LRRC4C: variants seen among roughly 807,000 people sequenced by gnomAD.
LRRC4C encodes leucine-rich repeat-containing protein 4C.
LRRC4C carries 5 observed loss-of-function variants against 33.6 expected under a neutral mutation model. The ratio of observed to expected loss-of-function variants is 0.15; its 90% confidence interval spans 0.08 to 0.31. The LOEUF is 0.31. Among genes scored for constraint, LRRC4C ranks in the 10% least tolerant of loss-of-function variants. The pLI is 1.00. For missense variants in LRRC4C, 560 were observed against 796.7 expected, an observed-to-expected ratio of 0.70 and a Z score of 3.58; for synonymous variants, 329 against 302.0, an observed-to-expected ratio of 1.09 and a Z score of -0.93.
chr11:40,295,442 C>G (rs1056000907), intron 4 of LRRC4C, among the ~76,000 whole-genome samples: 4 of 152,074 alleles, frequency 2.6e-5, no homozygotes, highest in Non-Finnish European at 5.9e-5. Flanking sequence ...GGTTTAAAAA[C>G]AGTTTTAAAG....
intron 3 of LRRC4C, among the ~76,000 whole-genome samples, chr11:40,329,149 C>T (rs1946231076): frequency 6.6e-6 from 1 of 152,134 alleles, no homozygotes; most frequent in African/African-American, 2.4e-5. Context: ...CATACACTCT[C>T]ATTATGTATT....
chr11:40,318,010 T>C (rs1377058696), intron 4 of LRRC4C, among the ~76,000 whole-genome samples: 7 of 152,114 alleles, frequency 4.6e-5, no homozygotes, highest in Non-Finnish European at 2.9e-5. Context: ...TATAAGTTTT[T>C]AGTGTCAAAT....
chr11:41,039,853 G>T (rs1299795465), intron 1 of LRRC4C, among the ~76,000 whole-genome samples: 1 of 151,936 alleles, frequency 6.6e-6, no homozygotes, highest in African/African-American at 2.4e-5. Context: ...GTTAAAATAT[G>T]ACTTGAGGCT....
rs370008778 is a variant in LRRC4C at position 40,988,365 on chromosome 11, A to G, written c.-495-54642T>C. 4.6e-5 allele frequency among the ~76,000 whole-genome samples: 7 copies of G among 152,256 alleles called. No individual in the cohort carries two copies. The East Asian group carries it at 1.4e-3, about 30-fold the overall frequency. ...TATGGGCTCATTCTTGAAGTTACTC[A>G]GTCTAAGTTCATACAAAGCCAGAAA... On this transcript the variant is annotated intron_variant, in intron 1 of 6. Transcript: ENST00000528697.
At chr11:40,622,812 G>T (rs183750017) in intron 3 of LRRC4C, among the ~76,000 whole-genome samples, 2 of 151,836 alleles carry the variant, frequency 1.3e-5, no homozygotes, top group African/African-American at 4.8e-5. Flanking sequence ...AGAACACTTG[G>T]AATGTGCTTA....
At chr11:41,026,213 T>C (rs1856344651) in intron 1 of LRRC4C, among the ~76,000 whole-genome samples, 2 of 151,682 alleles carry the variant, frequency 1.3e-5, no homozygotes, top group Non-Finnish European at 3.0e-5. Flanking sequence ...CTAGATGCCG[T>C]TAAGAACATT....
At chr11:40,227,901 G>A (rs984327982) in intron 5 of LRRC4C, among the ~76,000 whole-genome samples, 2 of 152,198 alleles carry the variant, frequency 1.3e-5, no homozygotes, top group African/African-American at 4.8e-5. Context: ...CATGATGCCT[G>A]CTAGGTGAAG....
intron 2 of LRRC4C, among the ~76,000 whole-genome samples, chr11:40,773,153 T>C (rs912816339): frequency 2.0e-5 from 3 of 152,012 alleles, no homozygotes; most frequent in African/African-American, 7.2e-5. Context: ...ATTCAAACAA[T>C]TAAACTCATG....
At chr11:41,221,832 G>A (rs1340589400) in intron 1 of LRRC4C, among the ~76,000 whole-genome samples, 1 of 152,256 alleles carries the variant, frequency 6.6e-6, no homozygotes. Context: ...AACATCATTA[G>A]TTCTAGTTTT....
At chr11:40,653,921 C>G (rs1260885050) in intron 2 of LRRC4C, among the ~76,000 whole-genome samples, 1 of 152,188 alleles carries the variant, frequency 6.6e-6, no homozygotes, top group Non-Finnish European at 1.5e-5. Flanking sequence ...TCCTGCATTC[C>G]AGCTGAACAT....
intron 1 of LRRC4C, among the ~76,000 whole-genome samples, chr11:41,100,952 T>G (rs1055852000): frequency 6.6e-6 from 1 of 152,176 alleles, no homozygotes; most frequent in Non-Finnish European, 1.5e-5. Context: ...AAGGACTCCT[T>G]ATTAAATAAA....
At chr11:40,993,195 G>A (rs1215702470) in intron 1 of LRRC4C, among the ~76,000 whole-genome samples, 3 of 152,040 alleles carry the variant, frequency 2.0e-5, no homozygotes, top group African/African-American at 7.2e-5. Context: ...CATCTTAAAT[G>A]GGCTATTGAG....
chr11:40,608,580 C>CAAA (rs745504350), intron 3 of LRRC4C, among the ~76,000 whole-genome samples: 181 of 152,142 alleles, frequency 1.2e-3, no homozygotes, highest in Non-Finnish European at 2.3e-3. Flanking sequence ...CCTTTCCAAT[C>CAAA]AAACAACATA....
intron 1 of LRRC4C, among the ~76,000 whole-genome samples, chr11:41,174,551 A>AT (rs1028130639): frequency 1.8e-4 from 28 of 151,568 alleles, no homozygotes; most frequent in South Asian, 8.4e-4. Flanking sequence ...ATCTGCCTGG[A>AT]TTTTTTTTTA....
intron 2 of LRRC4C, among the ~76,000 whole-genome samples, chr11:40,651,082 C>A (rs1942768814): frequency 6.6e-6 from 1 of 152,174 alleles, no homozygotes; most frequent in African/African-American, 2.4e-5. Flanking sequence ...GCATTTTACA[C>A]CCTAAAATTT....
intron 3 of LRRC4C, among the ~76,000 whole-genome samples, chr11:40,386,636 T>C (rs1251275712): frequency 6.6e-6 from 1 of 152,158 alleles, no homozygotes; most frequent in East Asian, 1.9e-4. Context: ...CATTCCTGCC[T>C]CTATCCCTCT....
intron 3 of LRRC4C, among the ~76,000 whole-genome samples, chr11:40,344,854 G>C (rs868588177): frequency 6.6e-6 from 1 of 151,882 alleles, no homozygotes; most frequent in Non-Finnish European, 1.5e-5. Flanking sequence ...TCCTGTACAC[G>C]AAGAACATCC....
intron 1 of LRRC4C, among the ~76,000 whole-genome samples, chr11:41,085,928 C>CAAAAAAAAAAA (rs10717008): frequency 7.5e-5 from 6 of 80,170 alleles, no homozygotes; most frequent in African/African-American, 9.3e-5. Context: ...TTTAAGACAC[C>CAAAAAAAAAAA]AAAAAAAAAA....
intron 1 of LRRC4C, among the ~76,000 whole-genome samples, chr11:41,108,294 G>T (rs1454465254): frequency 6.6e-6 from 1 of 152,080 alleles, no homozygotes; most frequent in East Asian, 1.9e-4. Flanking sequence ...AGTATCTGCA[G>T]TACTTGCTTA....
Sources: allele counts gnomAD v4.1 joint callset (sites outside exome capture counted in the v4.1 genomes callset), GRCh38; gene constraint gnomAD v4.1.1; transcripts MANE v1.5; gene names NCBI Gene and HGNC (gene_info 2026-07-23, HGNC 2026-07-21).